Variants in ANKRD24 observed in about 807,000 individuals in gnomAD.
ANKRD24 encodes the protein ankyrin repeat domain 24.
Under a neutral mutation model 127.8 loss-of-function variants are expected in ANKRD24, and 109 were observed. That is an observed-to-expected ratio of 0.85 (90% confidence interval 0.73 to 1.00). The LOEUF (loss-of-function observed/expected upper bound fraction) is 1.00, where lower values mean the gene tolerates loss of function less well. Ranked by LOEUF, ANKRD24 falls within the 50% of genes least tolerant of loss-of-function variation. ANKRD24 has a pLI of 0.00. For synonymous variants in ANKRD24, 743 were observed against 671.1 expected (o/e 1.11, Z -1.66); for missense variants, 1,648 against 1,570.2 (o/e 1.05, Z -0.84).
chr19:4,194,929 T>G (rs1968611381), intron 2 of ANKRD24, among the ~76,000 whole-genome samples: 1 of 152,066 alleles, frequency 6.6e-6, no homozygotes, highest in African/African-American at 2.4e-5. Flanking sequence ...GTATCCATGG[T>G]ACACACCTCA....
At position 4,186,353 on chromosome 19, in the gene ANKRD24, G is replaced by C. The variant is rs77523829; in HGVS notation, c.-36-37G>C. The C allele has an allele frequency of 8.7e-4, 1,355 of 1,552,526 alleles. 14 individuals carry two copies. In the African/African-American group the frequency reaches 0.017, roughly 19 times the overall value. ...CGGACCCTGCCGCCCACCAGGACTGGTGTCCCTCACCTTACCCCCACCCTT... is the reference window on the plus strand; with the variant it reads ...CGGACCCTGCCGCCCACCAGGACTGCTGTCCCTCACCTTACCCCCACCCTT... On this transcript the variant is annotated intron_variant, in intron 1 of 21. Transcript: ENST00000318934.
At chr19:4,191,419 A>G (rs537588753) in intron 2 of ANKRD24, among the ~76,000 whole-genome samples, 4 of 152,162 alleles carry the variant, frequency 2.6e-5, no homozygotes, top group African/African-American at 7.2e-5. Context: ...CCTGGTCCCT[A>G]ACACCGGCTT....
At chr19:4,200,410 G>C (rs918076834) in intron 5 of ANKRD24, among the ~76,000 whole-genome samples, 1 of 152,186 alleles carries the variant, frequency 6.6e-6, no homozygotes, top group African/African-American at 2.4e-5. Context: ...TGGATGGGGA[G>C]TGACTAGGAT....
In ANKRD24 at chr19:4,222,798, A is replaced by G. The variant is rs762374512; in HGVS notation, c.3297+3A>G. 12 of 1,604,842 alleles carry G rather than the reference A, an allele frequency of 7.5e-6. No homozygotes were observed. In the African/African-American group the frequency reaches 8.0e-5, roughly 11 times the overall value. ...AGGATTTACAGCAGCAGCTGCAGGTAAGGACTGGGCCACGCAGGGGCCAGG... is the reference window on the plus strand; with the variant it reads ...AGGATTTACAGCAGCAGCTGCAGGTGAGGACTGGGCCACGCAGGGGCCAGG... On this transcript the variant is annotated splice_donor_region_variant and intron_variant, in intron 20 of 21. Coordinates refer to ENST00000318934, the MANE Select transcript of ANKRD24 (RefSeq NM_001393985.1).
Position 4,212,468 on chromosome 19 carries a change from C to T in ANKRD24, c.1060-7C>T. On this transcript the variant is annotated splice_region_variant and splice_polypyrimidine_tract_variant and intron_variant, in intron 13 of 21. Coordinates refer to ENST00000318934, the MANE Select transcript of ANKRD24 (RefSeq NM_001393985.1). ...ATCCAAACCCCTGTCCCTGTTTCTC[C>T]CGTCAGTCCCCGGAGGCCAGCTCCC... 6.3e-7 allele frequency: 1 copy of T among 1,575,016 alleles called. No homozygotes were observed. The highest frequency in any genetic ancestry group is 8.6e-7 in the Non-Finnish European group (1 of 1,162,468).
At position 4,217,503 on chromosome 19, in the gene ANKRD24, C is replaced by T. The variant is rs2145399168; in HGVS notation, c.2343C>T (p.Gly781=). The T allele has an allele frequency of 1.4e-6, 2 of 1,401,522 alleles. No homozygotes were observed. The highest frequency in any genetic ancestry group is 2.6e-4 in the Middle Eastern group (1 of 3,818). The allele number at this position is 1,401,522 out of a possible 1,614,324, so 86.8% of individuals were successfully genotyped here. Residue 781 remains glycine (G), a synonymous_variant, in exon 18 of 22, where the codon GGC becomes GGT. Transcript: ENST00000318934. ...AEGSGASGGG[G]GDTTQLRAAL... ...GCAGCGGGGCCAGCGGGGGCGGTGG[C>T]GGTGACACCACACAGCTGCGGGCGG...
Position 4,216,831 on chromosome 19 carries a change from C to T in ANKRD24, c.1671C>T (p.Asn557=), listed in dbSNP as rs368093158. The T allele has an allele frequency of 4.5e-4, 722 of 1,609,252 alleles. 2 individuals are homozygous for T. The highest frequency in any genetic ancestry group is 7.4e-4 in the South Asian group (67 of 90,192). ...NGSVAPETKV[N]GAETIDEEAA... is the part of the protein sequence containing the mutation. ...CAGTGGCTCCAGAAACCAAAGTTAACGGAGCCGAGACCATAGATGAGGAGG... is the reference window on the plus strand; with the variant it reads ...CAGTGGCTCCAGAAACCAAAGTTAATGGAGCCGAGACCATAGATGAGGAGG... Residue 557 remains asparagine (N), a synonymous_variant, in exon 18 of 22, where the codon AAC becomes AAT. Transcript: ENST00000318934.
intron 2 of ANKRD24, among the ~76,000 whole-genome samples, chr19:4,193,074 G>C (rs1968471915): frequency 6.6e-6 from 1 of 152,034 alleles, no homozygotes; most frequent in African/African-American, 2.4e-5. Context: ...GCCGAGGTGA[G>C]TGGATCACTT....
Position 4,210,130 on chromosome 19 carries a change from C to A in ANKRD24, c.943C>A (p.Pro315Thr). 1 of 1,608,894 alleles carries A rather than the reference C, an allele frequency of 6.2e-7. No homozygotes were observed. Among genetic ancestry groups the A allele is most frequent in the Admixed American group, 1.7e-5 (1 of 59,112 alleles). ...RKAPPPPASI[P>T]MPDDRDAYEE... is the part of the protein sequence containing the mutation. ...GGCGCCTCCACCTCCCGCCAGCATT[C>A]CCATGCCGGTGAGAGATGCTCTGGG... The change falls in exon 12 of 22, where the codon CCC becomes ACC. Residue 315 changes from proline (P) to threonine (T), a missense_variant. Transcript: ENST00000318934.
intron 20 of ANKRD24, 32 bp downstream of exon 20, chr19:4,222,827 C>T (rs1042482662): frequency 6.4e-7 from 1 of 1,572,856 alleles, no homozygotes; most frequent in Non-Finnish European, 8.7e-7. Context: ...GGCCAGGGGA[C>T]CATCAGGGTG....
intron 2 of ANKRD24, among the ~76,000 whole-genome samples, chr19:4,197,824 A>C (rs1599412830): frequency 6.6e-6 from 1 of 152,320 alleles, no homozygotes; most frequent in East Asian, 1.9e-4. Context: ...TGAGTGAATT[A>C]ATGCATGAAA....
intron 6 of ANKRD24, 119 bp from the exon 7 acceptor site, chr19:4,202,750 T>C (rs1969162727): frequency 1.9e-6 from 2 of 1,050,762 alleles, no homozygotes; most frequent in African/African-American, 1.6e-5. Flanking sequence ...TGGAGTCCCT[T>C]GGGGGCCACG....
At chr19:4,215,883 G>C in intron 15 of ANKRD24, 95 bp from the exon 16 acceptor site, 9 of 931,844 alleles carry the variant, frequency 9.7e-6, no homozygotes, top group Non-Finnish European at 1.3e-5. Context: ...GAGACATACA[G>C]GTATGTGAAC....
At chr19:4,197,478 A>T (rs1023687005) in intron 2 of ANKRD24, among the ~76,000 whole-genome samples, 4 of 152,050 alleles carry the variant, frequency 2.6e-5, no homozygotes, top group African/African-American at 7.2e-5. Flanking sequence ...CAACAAATGG[A>T]TGAACAAATG....
chr19:4,213,878 G>A (rs889536578), intron 15 of ANKRD24, among the ~76,000 whole-genome samples: 4 of 152,050 alleles, frequency 2.6e-5, no homozygotes, highest in African/African-American at 4.8e-5. Context: ...CAGGTGAACC[G>A]CCTGCCTTGG....
intron 7 of ANKRD24, among the ~76,000 whole-genome samples, chr19:4,205,186 C>T (rs768245695): frequency 2.6e-5 from 4 of 152,064 alleles, no homozygotes; most frequent in African/African-American, 7.2e-5. Context: ...TGCATAGAGC[C>T]GAGATCATGC....
chr19:4,209,234 C>G (rs369563246), intron 11 of ANKRD24, among the ~76,000 whole-genome samples: 1 of 151,946 alleles, frequency 6.6e-6, no homozygotes, highest in Non-Finnish European at 1.5e-5. Flanking sequence ...CCTCAGCCTC[C>G]CTAGTAGCTG....
In ANKRD24 at chr19:4,203,068, G is replaced by A. The variant is rs1302197933; in HGVS notation, c.466+142G>A. 5.7e-6 allele frequency: 4 copies of A among 706,958 alleles called. No individual in the cohort carries two copies. The African/African-American group carries it at 7.5e-5, about 13-fold the overall frequency. 43.8% of individuals were successfully genotyped at this position (706,958 alleles called of 1,614,324 possible). A position where few individuals can be genotyped will look rare whatever the true frequency, so the allele number is the denominator to read the frequency against. ...TCTTTCTTTCTTTTTTTTTTTTTGAGACGGAGTCTCACTCTGTTGCCCAGG... is the reference window on the plus strand; with the variant it reads ...TCTTTCTTTCTTTTTTTTTTTTTGAAACGGAGTCTCACTCTGTTGCCCAGG... On this transcript the variant is annotated intron_variant, in intron 7 of 21. Transcript: ENST00000318934.
chr19:4,213,139 A>C (rs1394666549), intron 15 of ANKRD24, among the ~76,000 whole-genome samples: 1 of 152,040 alleles, frequency 6.6e-6, no homozygotes, highest in South Asian at 2.1e-4. Flanking sequence ...TCAAACAAAC[A>C]AACAGTCCCA....
Sources: gnomAD v4.1 joint callset for allele counts (sites outside exome capture counted in the v4.1 genomes callset) on GRCh38, gnomAD v4.1.1 for gene constraint, MANE v1.5 for transcripts, NCBI Gene and HGNC (gene_info 2026-07-23, HGNC 2026-07-21) for gene names.